Variants in PRR5 observed in about 807,000 individuals in gnomAD.
The protein encoded by PRR5 is proline rich 5, also known as proline-rich protein 5.
Under a neutral mutation model 30.6 loss-of-function variants are expected in PRR5, and 25 were observed. That is an observed-to-expected ratio of 0.82 (90% CI 0.60 to 1.14). PRR5 has a LOEUF of 1.14. PRR5 is among the 50% of genes most tolerant of loss of function. The probability of loss-of-function intolerance (pLI) is 0.00; values close to 1 mark genes in which losing one functional copy is unlikely to be tolerated. For missense variants in PRR5, 600 were observed against 547.1 expected (o/e 1.10, Z -0.96); for synonymous variants, 286 against 247.1 (o/e 1.16, Z -1.48).
At position 44,688,070 on chromosome 22, in the gene PRR5, C is replaced by T. The variant is rs575203297; in HGVS notation, c.-11+10830C>T. On this transcript the variant is annotated intron_variant, in intron 1 of 8. Coordinates refer to the PRR5 transcript ENST00000006251. ...GATTACAGGCGTGAGCCACCGCACCCGGCCTGAGTTTCTAGTTTAAAACAT... is the reference window on the plus strand; with the variant it reads ...GATTACAGGCGTGAGCCACCGCACCTGGCCTGAGTTTCTAGTTTAAAACAT... 1.2e-3 allele frequency among the ~76,000 whole-genome samples: 188 copies of T among 151,730 alleles called. 6 individuals are homozygous for T. Among genetic ancestry groups the T allele is most frequent in the African/African-American group, 4.3e-3 (179 of 41,484 alleles).
chr22:44,702,174 G>C, upstream of PRR5: 3 of 735,740 alleles, frequency 4.1e-6, no homozygotes, highest in Non-Finnish European at 5.1e-6. Context: ...GCCGAGACCC[G>C]CCCCTGGGCC....
upstream of PRR5, among the ~76,000 whole-genome samples, chr22:44,675,550 G>C (rs964039005): frequency 3.9e-5 from 6 of 152,230 alleles, no homozygotes; most frequent in East Asian, 1.2e-3. Context: ...TTTCAGTGGG[G>C]CCTCCACATG....
At chr22:44,668,882 A>C in intron 1 of PRR5, 1 of 144,874 alleles carries the variant, frequency 6.9e-6, no homozygotes, top group South Asian at 1.9e-4. Context: ...GGCACGCGCG[A>C]CCCTGCGGAA....
chr22:44,694,776 A>G (rs879452638), intron 1 of PRR5, among the ~76,000 whole-genome samples: 5 of 152,192 alleles, frequency 3.3e-5, no homozygotes, highest in South Asian at 2.1e-4. Context: ...GCTGGCCCAT[A>G]ATAAGTGCTC....
rs1037088688 is a variant in PRR5 at position 44,690,912 on chromosome 22, G to A, written c.-10-11580G>A. Among the ~76,000 whole-genome samples, 7 of 152,134 alleles carry A rather than the reference G, an allele frequency of 4.6e-5. No homozygotes were observed. In the East Asian group the frequency reaches 1.4e-3, roughly 29 times the overall value. ...CGAAGCAGAATTGGAAGGAGTGGAA[G>A]ACTGTGCTCAGACTGGAGGGTCTTG... On this transcript the variant is annotated intron_variant, in intron 1 of 8. Transcript: ENST00000006251.
At chr22:44,692,482 C>T (rs1925359112) in intron 1 of PRR5, among the ~76,000 whole-genome samples, 1 of 137,744 alleles carries the variant, frequency 7.3e-6, no homozygotes, top group African/African-American at 2.6e-5. Context: ...CCCGGGGGCT[C>T]CTCCTCCCAG....
intron 1 of PRR5, among the ~76,000 whole-genome samples, chr22:44,693,547 C>G (rs1925469854): frequency 6.6e-6 from 1 of 151,746 alleles, no homozygotes; most frequent in African/African-American, 2.4e-5. Context: ...ACTCCAGTCT[C>G]TGCTTCCATC....
chr22:44,715,775 C>G (rs748100340), intron 2 of PRR5, among the ~76,000 whole-genome samples: 1 of 152,098 alleles, frequency 6.6e-6, no homozygotes, highest in Non-Finnish European at 1.5e-5. Context: ...ACCTCAGCCT[C>G]CTGAGTGGCT....
chr22:44,697,679 CG>C (rs1555897469), upstream of PRR5, among the ~76,000 whole-genome samples: 2 of 152,224 alleles, frequency 1.3e-5, no homozygotes, highest in Non-Finnish European at 2.9e-5. Flanking sequence ...GGCCGTGCCC[CG>C]GGGAGAGTGG....
upstream of PRR5, among the ~76,000 whole-genome samples, chr22:44,674,041 T>C (rs1248813549): frequency 6.6e-6 from 1 of 152,226 alleles, no homozygotes; most frequent in Non-Finnish European, 1.5e-5. Flanking sequence ...CCTTTCTCCC[T>C]AAACATATTC....
intron 1 of PRR5, among the ~76,000 whole-genome samples, chr22:44,692,863 C>T (rs554764333): frequency 6.6e-6 from 1 of 152,248 alleles, no homozygotes; most frequent in East Asian, 1.9e-4. Flanking sequence ...AGTGCACGAG[C>T]TCTCAGCACG....
intron 6 of PRR5, among the ~76,000 whole-genome samples, chr22:44,732,943 G>C (rs896253576): frequency 1.0e-5 from 1 of 98,470 alleles, no homozygotes; most frequent in African/African-American, 2.8e-5. Flanking sequence ...TACTACACAC[G>C]TGTGCACACA....
At chr22:44,720,677 C>A (rs1490507354) in intron 2 of PRR5, among the ~76,000 whole-genome samples, 2 of 152,208 alleles carry the variant, frequency 1.3e-5, no homozygotes, top group Non-Finnish European at 2.9e-5. Flanking sequence ...ACTGGCCACT[C>A]ATCCTCAGCC....
At chr22:44,734,931 G>A (rs1922917932) in intron 6 of PRR5, 96 bp from the exon 7 acceptor site, 2 of 1,447,830 alleles carry the variant, frequency 1.4e-6, no homozygotes, top group South Asian at 1.3e-5. Flanking sequence ...GGGAGGCAGA[G>A]GACAGGCTGT....
chr22:44,708,238 C>G (rs1927550718), intron 1 of PRR5, among the ~76,000 whole-genome samples: 1 of 152,068 alleles, frequency 6.6e-6, no homozygotes, highest in South Asian at 2.1e-4. Flanking sequence ...GAAACCAATG[C>G]CAGAGGAGGA....
At chr22:44,731,018 G>T in intron 4 of PRR5, 1 of 366,676 alleles carries the variant, frequency 2.7e-6, no homozygotes, top group South Asian at 2.3e-5. Context: ...GGTGTTCTGT[G>T]TTTGTTGGAG....
At chr22:44,690,497 G>A (rs1413052501) in intron 1 of PRR5, among the ~76,000 whole-genome samples, 4 of 152,042 alleles carry the variant, frequency 2.6e-5, no homozygotes, top group Non-Finnish European at 4.4e-5. Context: ...TCACTGTCAC[G>A]GCCAAGGCTG....
chr22:44,723,492 G>A (rs978123152), intron 2 of PRR5, among the ~76,000 whole-genome samples: 1 of 152,164 alleles, frequency 6.6e-6, no homozygotes, highest in South Asian at 2.1e-4. Context: ...GTCCGAGGCA[G>A]GTGGATCACC....
chr22:44,701,594 A>G (rs759980981), upstream of PRR5, among the ~76,000 whole-genome samples: 1 of 152,150 alleles, frequency 6.6e-6, no homozygotes, highest in African/African-American at 2.4e-5. Flanking sequence ...TTTACCATCC[A>G]AGAGACCTGG....
Sources: allele counts gnomAD v4.1 joint callset (sites outside exome capture counted in the v4.1 genomes callset), GRCh38; gene constraint gnomAD v4.1.1; transcripts MANE v1.5; gene names NCBI Gene and HGNC (gene_info 2026-07-23, HGNC 2026-07-21).